Variants in RYR2 observed in about 807,000 individuals in gnomAD.
The protein encoded by RYR2 is cardiac muscle ryanodine receptor-calcium release channel.
In RYR2, 227 loss-of-function variants were observed where a neutral mutation model predicts 601.1. The ratio of observed to expected loss-of-function variants is 0.38; its 90% confidence interval spans 0.34 to 0.42. The LOEUF (loss-of-function observed/expected upper bound fraction) is 0.42, where lower values mean the gene tolerates loss of function less well. Ranked by LOEUF, RYR2 falls within the 10% of genes least tolerant of loss-of-function variation. The pLI, the probability that RYR2 is intolerant of heterozygous loss-of-function variation, is 1.00. For missense variants in RYR2, 4,646 were observed against 6,156.5 expected, an observed-to-expected ratio of 0.75 and a Z score of 8.21; for synonymous variants, 2,223 against 2,175.1, an observed-to-expected ratio of 1.02 and a Z score of -0.61.
intron 1 of RYR2, among the ~76,000 whole-genome samples, chr1:237,184,674 ATGAACGG>A (rs1352512790): frequency 6.6e-6 from 1 of 152,220 alleles, no homozygotes; most frequent in African/African-American, 2.4e-5. Context: ...TGGTGGACTT[ATGAACGG>A]TCTAGGAGGT....
At chr1:237,295,276 GA>G (rs34453486) in intron 2 of RYR2, among the ~76,000 whole-genome samples, 57,806 of 148,228 alleles carry the variant, frequency 0.39, 11,272 homozygotes, top group African/African-American at 0.46. Context: ...TCAGTGTTTG[GA>G]AAAAAAAAAA....
At chr1:237,327,774 C>T (rs934588360) in intron 2 of RYR2, among the ~76,000 whole-genome samples, 4 of 152,106 alleles carry the variant, frequency 2.6e-5, no homozygotes, top group Non-Finnish European at 5.9e-5. Flanking sequence ...GATAAGCTCT[C>T]TACATATATT....
chr1:237,254,058 G>A (rs759379718), intron 1 of RYR2, among the ~76,000 whole-genome samples: 1 of 152,118 alleles, frequency 6.6e-6, no homozygotes, highest in Non-Finnish European at 1.5e-5. Flanking sequence ...ACATGAAATT[G>A]GGGAGATACA....
intron 14 of RYR2, among the ~76,000 whole-genome samples, chr1:237,452,427 G>A (rs953984656): frequency 1.9e-5 from 2 of 105,946 alleles, no homozygotes; most frequent in Non-Finnish European, 2.1e-5. Context: ...ATACTATAGA[G>A]TATATTATAC....
rs1228663009 is a variant in RYR2 at position 237,638,426 on chromosome 1, A to G, written c.6862A>G (p.Ile2288Val). 7 of 1,613,888 alleles carry G rather than the reference A, an allele frequency of 4.3e-6. No individual in the cohort carries two copies. Among genetic ancestry groups the G allele is most frequent in the Non-Finnish European group, 5.1e-6 (6 of 1,179,868 alleles). Residue 2288 changes from isoleucine (I) to valine (V), a missense_variant, in exon 45 of 105, where the codon ATT (isoleucine) becomes GTT (valine). Transcript: ENST00000366574. ...QMLVSKGYPDIGWNPVEGERY... is the reference protein window; with the variant it reads ...QMLVSKGYPDVGWNPVEGERY... ...GCTGGTGTCTAAGGGCTATCCAGAC[A>G]TTGGGTGGAACCCAGTTGAAGGAGA...
intron 62 of RYR2, 92 bp from the exon 63 acceptor site, chr1:237,687,363 C>CTTTTTTTTTTTTTTTTTT: frequency 4.4e-6 from 2 of 452,442 alleles, no homozygotes; most frequent in East Asian, 4.4e-5. Context: ...CTTTTTTCTT[C>CTTTTTTTTTTTTTTTTTT]TTCTTTTTTT....
chr1:237,553,027 G>A lies in RYR2; in HGVS notation c.3214+2336G>A, dbSNP rs562684723. On this transcript the variant is annotated intron_variant, in intron 27 of 104. Coordinates refer to ENST00000366574, the MANE Select transcript of RYR2 (RefSeq NM_001035.3). ...GTCAGGTATGGAAGGATTTTCTTCC[G>A]TTTGTAAGTTGCTTTTTCACTTTCT... 2.8e-4 allele frequency among the ~76,000 whole-genome samples: 42 copies of A among 152,058 alleles called. No homozygotes were observed. The South Asian group carries it at 7.5e-3, about 27-fold the overall frequency.
chr1:237,190,582 A>C (rs761762115), intron 1 of RYR2, among the ~76,000 whole-genome samples: 5 of 152,198 alleles, frequency 3.3e-5, no homozygotes, highest in Non-Finnish European at 5.9e-5. Context: ...TTGGGAAAAA[A>C]ACCAATACAA....
In RYR2 at chr1:237,792,087, T is replaced by C. The variant is rs776614513; in HGVS notation, c.13564-18T>C. On this transcript the variant is annotated intron_variant, in intron 93 of 104. Coordinates refer to ENST00000366574, the MANE Select transcript of RYR2 (RefSeq NM_001035.3). Reference sequence around the variant, plus strand: ...TTAGATGCAGCAAACTGACTCTACTTTAAATGCTTTGAATCAGGTCTCCAC... The same window carrying C: ...TTAGATGCAGCAAACTGACTCTACTCTAAATGCTTTGAATCAGGTCTCCAC... 6.4e-7 allele frequency: 1 copy of C among 1,558,016 alleles called. No homozygotes were observed. The highest frequency in any genetic ancestry group is 1.4e-5 in the African/African-American group (1 of 73,684).
At chr1:237,099,250 AT>A (rs1010845569) in intron 1 of RYR2, among the ~76,000 whole-genome samples, 2 of 151,994 alleles carry the variant, frequency 1.3e-5, no homozygotes, top group African/African-American at 4.8e-5. Flanking sequence ...TTTAAAAAAA[AT>A]ATTTGAGACA....
chr1:237,758,976 C>G (rs1693184169), intron 82 of RYR2, among the ~76,000 whole-genome samples: 1 of 152,142 alleles, frequency 6.6e-6, no homozygotes, highest in African/African-American at 2.4e-5. Flanking sequence ...TTTTAATAGC[C>G]AAATGATTCC....
At chr1:237,204,777 T>A (rs1681609017) in intron 1 of RYR2, among the ~76,000 whole-genome samples, 1 of 152,112 alleles carries the variant, frequency 6.6e-6, no homozygotes, top group Admixed American at 6.5e-5. Context: ...CAGAGGAGAT[T>A]CAACAAGAAA....
intron 80 of RYR2, among the ~76,000 whole-genome samples, chr1:237,751,801 A>G (rs1311606932): frequency 6.6e-6 from 1 of 152,226 alleles, no homozygotes; most frequent in Non-Finnish European, 1.5e-5. Flanking sequence ...CTGGAAGATC[A>G]TTACACTGTT....
intron 25 of RYR2, among the ~76,000 whole-genome samples, chr1:237,537,763 A>G (rs1326706384): frequency 6.6e-6 from 1 of 152,252 alleles, no homozygotes; most frequent in Non-Finnish European, 1.5e-5. Context: ...AAGATGATAC[A>G]GTGTAATACT....
intron 1 of RYR2, among the ~76,000 whole-genome samples, chr1:237,252,146 G>A (rs1225779800): frequency 6.6e-6 from 1 of 151,644 alleles, no homozygotes; most frequent in African/African-American, 2.4e-5. Flanking sequence ...GCAACTCTCT[G>A]TGGCTCCCAA....
rs780707255 is a variant in RYR2, at chr1:237,627,986, A to G, written c.6346A>G (p.Thr2116Ala). ...GATAAATGGTGTGTCCGTGGAGGAC[A>G]CCATCAACCTGCTGGCATCCCTTGG... ...YTINGVSVED[T>A]INLLASLGQI... The change falls in exon 41 of 105, where the codon ACC (threonine) becomes GCC (alanine). Residue 2116 changes from threonine to alanine, a missense_variant. Transcript: ENST00000366574. 1.5e-5 allele frequency: 24 copies of G among 1,613,974 alleles called. No homozygotes were observed. In the East Asian group the frequency reaches 4.5e-4, roughly 30 times the overall value.
chr1:237,108,219 T>G (rs1668970544), intron 1 of RYR2, among the ~76,000 whole-genome samples: 1 of 152,136 alleles, frequency 6.6e-6, no homozygotes, highest in Non-Finnish European at 1.5e-5. Context: ...ACCCAGAACC[T>G]CCAGGAGAGG....
In RYR2 at chr1:237,833,035, A is replaced by ACTGT. The variant is rs774689265; in HGVS notation, c.*395_*398dup. ...CTTTATTTCACCATCCTGGAAGGAA[A>ACTGT]CTGTCTGTCTAATGGTCACAGAGCA... On this transcript the variant is annotated 3_prime_UTR_variant, in exon 105 of 105. Coordinates refer to ENST00000366574, the MANE Select transcript of RYR2 (RefSeq NM_001035.3). 5 of 168,862 alleles carry ACTGT rather than the reference A, an allele frequency of 3.0e-5. No homozygotes were observed. The highest frequency in any genetic ancestry group is 6.0e-5 in the Admixed American group (1 of 16,762). The allele number at this position is 168,862 out of a possible 1,614,324, so 10.5% of individuals were successfully genotyped here. A position where few individuals can be genotyped will look rare whatever the true frequency, so the allele number is the denominator to read the frequency against.
In RYR2 at chr1:237,700,247, C is replaced by A; in HGVS notation, c.9147C>A (p.Gly3049=). 1.3e-6 allele frequency: 2 copies of A among 1,568,432 alleles called. No homozygotes were observed. The highest frequency in any genetic ancestry group is 1.4e-5 in the African/African-American group (1 of 73,976). The change falls in exon 65 of 105, where the codon GGC becomes GGA. Residue 3049 remains glycine, a synonymous_variant. Transcript: ENST00000366574. ...TLDARTVMKT[G]LESVKSALRA... ...TTTCTAGGACAGTGATGAAGACTGG[C>A]CTGGAGAGTGTTAAAAGTGCACTCA...
Sources: gnomAD v4.1 joint callset for allele counts (sites outside exome capture counted in the v4.1 genomes callset) on GRCh38, gnomAD v4.1.1 for gene constraint, MANE v1.5 for transcripts, NCBI Gene and HGNC (gene_info 2026-07-23, HGNC 2026-07-21) for gene names.